Variants in MUC20 observed in about 807,000 individuals in gnomAD.
MUC20 encodes mucin 20, cell surface associated.
A neutral mutation model predicts 23.8 loss-of-function variants in MUC20; 14 were observed. The observed-to-expected ratio is 0.59, with a 90% CI of 0.39 to 0.92. The LOEUF (loss-of-function observed/expected upper bound fraction) is 0.92. Among genes scored for constraint, MUC20 ranks in the 40% least tolerant of loss-of-function variants. The pLI is 0.00. For missense variants in MUC20, 375 were observed against 668.8 expected, an observed-to-expected ratio of 0.56 and a Z score of 4.85; for synonymous variants, 166 against 279.3, an observed-to-expected ratio of 0.59 and a Z score of 4.04.
At chr3:195,732,319 G>GTTTTCT (rs780123781) in intron 3 of MUC20, among the ~76,000 whole-genome samples, 19 of 150,968 alleles carry the variant, frequency 1.3e-4, no homozygotes, top group African/African-American at 1.9e-4. Context: ...TGGGAAGCCA[G>GTTTTCT]TTTTCTTTTT....
Position 195,729,729 on chromosome 3 carries a change from T to C in MUC20, c.2051T>C (p.Leu684Pro). The C allele has an allele frequency of 6.3e-7, 1 of 1,596,276 alleles. No homozygotes were observed. The highest frequency in any genetic ancestry group is 8.5e-7 in the Non-Finnish European group (1 of 1,170,776). The change falls in exon 3 of 4, where the codon CTG (leucine) becomes CCG (proline). Residue 684 changes from leucine (L) to proline (P), a missense_variant. By Grantham distance (98) the Leu-to-Pro change is moderately conservative. Transcript: ENST00000447234. ...DLTDPRVAERLMQQLHRELHA... is the reference protein window; with the variant it reads ...DLTDPRVAERPMQQLHRELHA... The stretch of plus-strand genomic sequence containing the variant: ...ACTGACCCCAGAGTGGCAGAAAGGC[T>C]GATGCAGCAGGTGAGTGGGCACTTT...
Position 195,726,350 on chromosome 3 carries a change from A to T in MUC20, c.1747A>T (p.Asn583Tyr). ...CAGCCCCTCGGAAGCCGCCCTCAAGAACTTCACCCCTTCAGAGACACCGAC... is the reference window on the plus strand; with the variant it reads ...CAGCCCCTCGGAAGCCGCCCTCAAGTACTTCACCCCTTCAGAGACACCGAC... ...SYSPSEAALK[N>Y]FTPSETPTMD... Residue 583 changes from asparagine (N) to tyrosine (Y), a missense_variant, in exon 2 of 4, where the codon AAC (asparagine) becomes TAC (tyrosine). Asn to Tyr is a moderately radical substitution (Grantham distance 143). Coordinates refer to ENST00000447234, the MANE Select transcript of MUC20 (RefSeq NM_001282506.2). 1 of 1,614,062 alleles carries T rather than the reference A, an allele frequency of 6.2e-7. No individual in the cohort carries two copies. Among genetic ancestry groups the T allele is most frequent in the South Asian group, 1.1e-5 (1 of 91,086 alleles).
At position 195,725,740 on chromosome 3, in the gene MUC20, G is replaced by C. The variant is rs1307363847; in HGVS notation, c.1137G>C (p.Pro379=). The C allele has an allele frequency of 1.1e-6, 1 of 925,456 alleles. No individual in the cohort carries two copies. The highest frequency in any genetic ancestry group is 2.1e-4 in the Middle Eastern group (1 of 4,760). The allele number at this position is 925,456 out of a possible 1,614,324, so 57.3% of individuals were successfully genotyped here. The change falls in exon 2 of 4, where the codon CCG becomes CCC. Residue 379 remains proline, a synonymous_variant. Coordinates refer to ENST00000447234, the MANE Select transcript of MUC20 (RefSeq NM_001282506.2). ...ACGGCCCCCATCCAGTCATCACCCC[G>C]TCACGGGCCTCAGAGAGCAGCGCCT... The part of the protein sequence containing the change: ...SSDGPHPVIT[P]SRASESSASS...
At position 195,726,364 on chromosome 3, in the gene MUC20, A is replaced by G. The variant is rs771079983; in HGVS notation, c.1761A>G (p.Ser587=). ...SEAALKNFTP[S]ETPTMDIATK... Reference sequence around the variant, plus strand: ...CCGCCCTCAAGAACTTCACCCCTTCAGAGACACCGACCATGGACATCGCAA... The same window carrying G: ...CCGCCCTCAAGAACTTCACCCCTTCGGAGACACCGACCATGGACATCGCAA... Residue 587 remains serine, a synonymous_variant, in exon 2 of 4, where the codon TCA becomes TCG. Transcript: ENST00000447234. 6.2e-7 allele frequency: 1 copy of G among 1,613,952 alleles called. No individual in the cohort carries two copies. Among genetic ancestry groups the G allele is most frequent in the Admixed American group, 1.7e-5 (1 of 60,026 alleles).
At chr3:195,729,582 C>T in intron 2 of MUC20, 66 bp from the exon 3 acceptor site, 1 of 1,448,876 alleles carries the variant, frequency 6.9e-7, no homozygotes, top group Non-Finnish European at 9.5e-7. Context: ...TCCCAAAGTG[C>T]TGGGATGACA....
intron 3 of MUC20, among the ~76,000 whole-genome samples, chr3:195,731,702 CCAAAGTCCTGAGTAGGAA>C (rs1232251455): frequency 6.6e-6 from 1 of 152,260 alleles, no homozygotes; most frequent in Non-Finnish European, 1.5e-5. Context: ...TGCTCCAGAG[CCAAAGTCCTGAGTAGGAA>C]CATTTGATAG....
intron 2 of MUC20, 115 bp downstream of exon 2, chr3:195,726,687 C>G: frequency 8.0e-7 from 1 of 1,249,484 alleles, no homozygotes; most frequent in South Asian, 1.5e-5. Context: ...AGAGCCTGCT[C>G]CTGATGTTGC....
chr3:195,733,340 T>G lies in MUC20; in HGVS notation c.*122T>G. ...CTGAGAGGTACCCAGAAGGTTCCCA[T>G]GAAGGGCAGCATGTCCAAGCCCCTG... On this transcript the variant is annotated 3_prime_UTR_variant, in exon 4 of 4. Coordinates refer to ENST00000447234, the MANE Select transcript of MUC20 (RefSeq NM_001282506.2). 1 of 1,512,252 alleles carries G rather than the reference T, an allele frequency of 6.6e-7. No individual in the cohort carries two copies. The allele number at this position is 1,512,252 out of a possible 1,614,324, so 93.7% of individuals were successfully genotyped here.
intron 3 of MUC20, among the ~76,000 whole-genome samples, chr3:195,730,971 G>A (rs750185682): frequency 6.6e-5 from 10 of 152,322 alleles, no homozygotes; most frequent in African/African-American, 1.2e-4. Context: ...CAGATGTCAC[G>A]GGCCTGGCCT....
intron 3 of MUC20, among the ~76,000 whole-genome samples, chr3:195,732,924 C>A (rs952807257): frequency 6.6e-6 from 1 of 152,278 alleles, no homozygotes; most frequent in Admixed American, 6.5e-5. Flanking sequence ...ATGCGACTTT[C>A]ATCCCTTATA....
Position 195,720,997 on chromosome 3 carries a change from G to A in MUC20, c.-11G>A, listed in dbSNP as rs1712013041. 2 of 1,572,652 alleles carry A rather than the reference G, an allele frequency of 1.3e-6. No homozygotes were observed. Among genetic ancestry groups the A allele is most frequent in the Non-Finnish European group, 1.7e-6 (2 of 1,158,026 alleles). ...GCCAGCAGTTCTGTGGAGCAGCGGT[G>A]GCCGGCTAGGATGGGCTGTCTCTGG... On this transcript the variant is annotated 5_prime_UTR_variant, in exon 1 of 4. Transcript: ENST00000447234.
intron 2 of MUC20, among the ~76,000 whole-genome samples, chr3:195,727,467 T>C (rs1650455498): frequency 6.6e-6 from 1 of 152,238 alleles, no homozygotes; most frequent in Admixed American, 6.5e-5. Context: ...AGGGGAGAAG[T>C]TCATTGTCAG....
Position 195,722,985 on chromosome 3 carries a change from A to T in MUC20, c.77-1695A>T, listed in dbSNP as rs189958929. Among the ~76,000 whole-genome samples the T allele has an allele frequency of 6.7e-3, 824 of 122,994 alleles. 17 individuals are homozygous for T. Among genetic ancestry groups the T allele is most frequent in the African/African-American group, 0.023 (787 of 34,558 alleles). The allele number at this position is 122,994 out of a possible 152,430, so 80.7% of individuals were successfully genotyped here. A position where few individuals can be genotyped will look rare whatever the true frequency, so the allele number is the denominator to read the frequency against. On this transcript the variant is annotated intron_variant, in intron 1 of 3. Coordinates refer to ENST00000447234, the MANE Select transcript of MUC20 (RefSeq NM_001282506.2). ...GAGGACTCCATAGGGAGGGATGCTT[A>T]CCTTGTGGGCTTTGGAATATAAGCC...
chr3:195,733,234 G>C lies in MUC20; in HGVS notation c.*16G>C. On this transcript the variant is annotated 3_prime_UTR_variant, in exon 4 of 4. Transcript: ENST00000447234. ...GAGAGGCTAACGGACATCAGCTGCAGCCAGGCATGTCCCGTATGCCAAAAG... is the reference window on the plus strand; with the variant it reads ...GAGAGGCTAACGGACATCAGCTGCACCCAGGCATGTCCCGTATGCCAAAAG... 6.3e-7 allele frequency: 1 copy of C among 1,579,630 alleles called. No individual in the cohort carries two copies. Among genetic ancestry groups the C allele is most frequent in the Non-Finnish European group, 8.6e-7 (1 of 1,163,686 alleles).
chr3:195,732,902 A>G (rs1713544308), intron 3 of MUC20, among the ~76,000 whole-genome samples: 1 of 152,250 alleles, frequency 6.6e-6, no homozygotes, highest in South Asian at 2.1e-4. Flanking sequence ...GTGATCTTGG[A>G]TAAGTTATTC....
intron 2 of MUC20, among the ~76,000 whole-genome samples, chr3:195,727,224 A>AC (rs1254062521): frequency 6.6e-6 from 1 of 152,272 alleles, no homozygotes; most frequent in Non-Finnish European, 1.5e-5. Context: ...ACATGGTGAA[A>AC]CCCCATCTCT....
At chr3:195,729,764 G>A in intron 3 of MUC20, 25 bp downstream of exon 3, 1 of 1,572,940 alleles carries the variant, frequency 6.4e-7, no homozygotes, top group South Asian at 1.2e-5. Flanking sequence ...TCCGGGCCAG[G>A]GGAGTAGAGG....
intron 3 of MUC20, 183 bp downstream of exon 3, chr3:195,729,922 C>G (rs111901895): frequency 4.7e-6 from 3 of 637,430 alleles, no homozygotes; most frequent in Non-Finnish European, 8.1e-6. Flanking sequence ...CTGCCTTCTC[C>G]GAGTTCTTCA....
intron 3 of MUC20, 22 bp from the exon 4 acceptor site, chr3:195,733,128 A>G (rs146860240): frequency 1.7e-5 from 27 of 1,573,556 alleles, no homozygotes; most frequent in Middle Eastern, 3.3e-4. Context: ...CTGAAAGGAC[A>G]GCTGGCTCTT....
Sources: gnomAD v4.1 joint callset for allele counts (sites outside exome capture counted in the v4.1 genomes callset) on GRCh38, gnomAD v4.1.1 for gene constraint, MANE v1.5 for transcripts, NCBI Gene and HGNC (gene_info 2026-07-23, HGNC 2026-07-21) for gene names.